The following UBE2R2 variants were observed in gnomAD, a reference collection of about 807,000 sequenced individuals.
The protein encoded by UBE2R2 is ubiquitin conjugating enzyme E2 R2.
In UBE2R2, 1 loss-of-function variant was observed where a neutral mutation model predicts 27.8. The observed-to-expected ratio is 0.04, with a 90% CI of 0.01 to 0.17. UBE2R2 has a LOEUF of 0.17. Ranked by LOEUF, UBE2R2 falls within the 10% of genes least tolerant of loss-of-function variation. UBE2R2 has a pLI of 1.00. For missense variants in UBE2R2, 100 were observed against 291.0 expected (o/e 0.34, Z 4.78); for synonymous variants, 106 against 113.3 (o/e 0.94, Z 0.41).
In UBE2R2 at chr9:33,919,931, T is replaced by G. The variant is rs1222486260; in HGVS notation, c.*2694T>G. On this transcript the variant is annotated 3_prime_UTR_variant, in exon 5 of 5. Coordinates refer to ENST00000263228, the MANE Select transcript of UBE2R2 (RefSeq NM_017811.4). ...AAGTATATGATTCTGCTGTTGATTCTTTCAGTCTTCCCCCCTTCTCCTTTT... is the reference window on the plus strand; with the variant it reads ...AAGTATATGATTCTGCTGTTGATTCGTTCAGTCTTCCCCCCTTCTCCTTTT... 6.6e-6 allele frequency: 1 copy of G among 152,266 alleles called. No individual in the cohort carries two copies. Among genetic ancestry groups the G allele is most frequent in the African/African-American group, 2.4e-5 (1 of 41,472 alleles). 9.4% of individuals were successfully genotyped at this position (152,266 alleles called of 1,614,324 possible).
intron 3 of UBE2R2, among the ~76,000 whole-genome samples, chr9:33,906,409 A>G (rs1040399408): frequency 2.6e-5 from 4 of 152,140 alleles, no homozygotes; most frequent in Non-Finnish European, 5.9e-5. Flanking sequence ...CTTGTGAGCC[A>G]CCACACCTGG....
intron 1 of UBE2R2, among the ~76,000 whole-genome samples, chr9:33,819,986 G>A (rs1277029283): frequency 1.3e-5 from 2 of 152,204 alleles, no homozygotes; most frequent in Non-Finnish European, 2.9e-5. Context: ...GCTGGCTAAT[G>A]TTAGTGGAAT....
chr9:33,863,278 CT>C (rs1276223035), intron 1 of UBE2R2, among the ~76,000 whole-genome samples: 2 of 151,722 alleles, frequency 1.3e-5, no homozygotes, highest in East Asian at 1.9e-4. Context: ...AATCCCAGCA[CT>C]TTTGGAGCCC....
intron 1 of UBE2R2, among the ~76,000 whole-genome samples, chr9:33,872,592 A>C (rs957571980): frequency 3.9e-5 from 6 of 151,902 alleles, no homozygotes; most frequent in Non-Finnish European, 5.9e-5. Context: ...GTCAAGACCA[A>C]CCTGACCAAC....
intron 1 of UBE2R2, among the ~76,000 whole-genome samples, chr9:33,864,786 G>A (rs1292114338): frequency 1.3e-5 from 2 of 149,662 alleles, no homozygotes; most frequent in African/African-American, 2.5e-5. Flanking sequence ...GTACAATGGC[G>A]TGATCTTGGC....
intron 1 of UBE2R2, 125 bp from the exon 2 acceptor site, chr9:33,886,756 C>G: frequency 1.4e-6 from 1 of 710,972 alleles, no homozygotes; most frequent in East Asian, 3.5e-5. Flanking sequence ...GTCTGAGCTA[C>G]TTTAATCTCA....
chr9:33,877,840 T>TCTCTCTCTCTCTCTCTCTCTCTCCCG (rs1318199421), intron 1 of UBE2R2, among the ~76,000 whole-genome samples: 2 of 151,346 alleles, frequency 1.3e-5, no homozygotes, highest in Non-Finnish European at 2.9e-5. Flanking sequence ...TCTCTCTCTC[T>TCTCTCTCTCTCTCTCTCTCTCTCCCG]CTCTCTCTCC....
chr9:33,829,805 T>G (rs1286249142), intron 1 of UBE2R2, among the ~76,000 whole-genome samples: 2 of 150,802 alleles, frequency 1.3e-5, no homozygotes, highest in South Asian at 2.1e-4. Context: ...TTTTTTTTTT[T>G]TTTTTTTTTT....
intron 1 of UBE2R2, among the ~76,000 whole-genome samples, chr9:33,867,677 T>G (rs1207572131): frequency 1.3e-5 from 2 of 152,254 alleles, no homozygotes; most frequent in East Asian, 1.9e-4. Flanking sequence ...AGATATCCTC[T>G]TTTGTGAAAT....
At chr9:33,894,292 A>G (rs10971768) in intron 2 of UBE2R2, among the ~76,000 whole-genome samples, 20,743 of 152,102 alleles carry the variant, frequency 0.14, 1,679 homozygotes, top group South Asian at 0.33. Context: ...AGGACAAAAT[A>G]TAGCTATCCT....
chr9:33,852,969 C>A (rs1169149211), intron 1 of UBE2R2, among the ~76,000 whole-genome samples: 5 of 152,102 alleles, frequency 3.3e-5, no homozygotes, highest in Non-Finnish European at 7.3e-5. Context: ...GATTGCACTG[C>A]TGCACTCCAG....
Position 33,900,159 on chromosome 9 carries a change from G to A in UBE2R2, c.265-15G>A, listed in dbSNP as rs766226217. 2 of 1,603,832 alleles carry A rather than the reference G, an allele frequency of 1.2e-6. No homozygotes were observed. Among genetic ancestry groups the A allele is most frequent in the East Asian group, 4.5e-5 (2 of 44,586 alleles). On this transcript the variant is annotated splice_polypyrimidine_tract_variant and intron_variant, in intron 2 of 4. Transcript: ENST00000263228. ...TTTTTGAGTATTTACTGAATGTAAT[G>A]TTTGTGTCTTGTAGAATGGAGATGT... is the stretch of plus-strand genomic sequence containing the variant.
chr9:33,863,555 T>G (rs1004254904), intron 1 of UBE2R2, among the ~76,000 whole-genome samples: 17 of 152,090 alleles, frequency 1.1e-4, no homozygotes, highest in African/African-American at 4.1e-4. Context: ...CATGGTAGAT[T>G]TAGTGTTTTT....
At chr9:33,822,426 CT>C (rs11309053) in intron 1 of UBE2R2, among the ~76,000 whole-genome samples, 52,892 of 133,606 alleles carry the variant, frequency 0.4, 9,959 homozygotes, top group South Asian at 0.47. Context: ...TCTTCAAAAC[CT>C]TTTTTTTTTT....
upstream of UBE2R2, among the ~76,000 whole-genome samples, chr9:33,815,831 G>A (rs1825742809): frequency 6.6e-6 from 1 of 152,146 alleles, no homozygotes; most frequent in Admixed American, 6.5e-5. Flanking sequence ...CATTAACCAT[G>A]TGCCAGTCAC....
In UBE2R2 at chr9:33,917,649, C is replaced by CT. The variant is rs1307002260; in HGVS notation, c.*413dup. 3.3e-6 allele frequency: 1 copy of CT among 306,274 alleles called. No individual in the cohort carries two copies. The highest frequency in any genetic ancestry group is 5.9e-6 in the Non-Finnish European group (1 of 168,640). The allele number at this position is 306,274 out of a possible 1,614,324, so 19.0% of individuals were successfully genotyped here. ...GGAACCTGTTGGGAGTTCACAAGTG[C>CT]TGCATATACTGGGTAGCAAAAGAAA... On this transcript the variant is annotated 3_prime_UTR_variant, in exon 5 of 5. Transcript: ENST00000263228.
chr9:33,877,243 G>A lies in UBE2R2; in HGVS notation c.178-9638G>A, dbSNP rs866347753. ...GTTGCCCAGGCTAGAGTGCAGTGGC[G>A]CGATCTCGGCTCACTGCAAGCTCCG... On this transcript the variant is annotated intron_variant, in intron 1 of 4. Coordinates refer to ENST00000263228, the MANE Select transcript of UBE2R2 (RefSeq NM_017811.4). Among the ~76,000 whole-genome samples the A allele has an allele frequency of 3.4e-5, 5 of 148,144 alleles. No individual in the cohort carries two copies. The South Asian group carries it at 1.1e-3, about 32-fold the overall frequency.
chr9:33,855,354 A>C (rs147707814), intron 1 of UBE2R2, among the ~76,000 whole-genome samples: 1 of 152,308 alleles, frequency 6.6e-6, no homozygotes, highest in African/African-American at 2.4e-5. Flanking sequence ...AAGCATGATA[A>C]TATGTTTAAG....
chr9:33,899,310 C>T (rs34424274), intron 2 of UBE2R2, among the ~76,000 whole-genome samples: 17,363 of 152,218 alleles, frequency 0.11, 1,317 homozygotes, highest in Non-Finnish European at 0.16. Context: ...AGCGATTCTC[C>T]TGCCTCAGCC....
Sources: allele counts gnomAD v4.1 joint callset (sites outside exome capture counted in the v4.1 genomes callset), GRCh38; gene constraint gnomAD v4.1.1; transcripts MANE v1.5; gene names NCBI Gene and HGNC (gene_info 2026-07-23, HGNC 2026-07-21).